SCARB2: variants seen among roughly 807,000 people sequenced by gnomAD.
The protein encoded by SCARB2 is lysosome membrane protein 2.
SCARB2 carries 29 observed loss-of-function variants against 58.6 expected under a neutral mutation model. The ratio of observed to expected loss-of-function variants is 0.49; its 90% CI spans 0.37 to 0.67. The LOEUF is 0.67. Ranked by LOEUF, SCARB2 falls within the 30% of genes least tolerant of loss-of-function variation. The pLI is 0.00. For synonymous variants in SCARB2, 195 were observed against 210.1 expected (o/e 0.93, Z 0.62); for missense variants, 488 against 578.5 (o/e 0.84, Z 1.60).
At chr4:76,221,221 T>C (rs1225396820) in intron 1 of SCARB2, among the ~76,000 whole-genome samples, 1 of 152,242 alleles carries the variant, frequency 6.6e-6, no homozygotes, top group Non-Finnish European at 1.5e-5. Flanking sequence ...AGCCTTCACC[T>C]GCTTCACTAA....
At position 76,213,621 on chromosome 4, in the gene SCARB2, G is replaced by A. The variant is rs1270851746; in HGVS notation, c.-78C>T. The A allele has an allele frequency of 3.3e-6, 4 of 1,206,090 alleles. No homozygotes were observed. The highest frequency in any genetic ancestry group is 1.8e-5 in the Admixed American group (1 of 54,704). 74.7% of individuals were successfully genotyped at this position (1,206,090 alleles called of 1,614,324 possible). A position where few individuals can be genotyped will look rare whatever the true frequency, so the allele number is the denominator to read the frequency against. On this transcript the variant is annotated 5_prime_UTR_variant, in exon 1 of 12. Transcript: ENST00000264896. ...GCAAGGAGGGAGGAGCCGCCGCAGAGGCGTCGAAGACCCGGGACCCTTCGG... is the reference window on the plus strand; with the variant it reads ...GCAAGGAGGGAGGAGCCGCCGCAGAAGCGTCGAAGACCCGGGACCCTTCGG...
At position 76,221,669 on chromosome 4, in the gene SCARB2, C is replaced by T. The variant is rs114203870; in HGVS notation, c.-358+12634G>A. On this transcript the variant is annotated intron_variant, in intron 1 of 11. Coordinates refer to the SCARB2 transcript ENST00000638295. ...TACTGCAAAAACAGAGAAAAAATAC[C>T]GCATGTTATCACTTATTAGCTAAAG... 5.9e-3 allele frequency among the ~76,000 whole-genome samples: 895 copies of T among 152,258 alleles called. 8 individuals are homozygous for T. Among genetic ancestry groups the T allele is most frequent in the African/African-American group, 0.02 (823 of 41,536 alleles).
chr4:76,186,203 T>TTTGCTTGA (rs1732482265), intron 2 of SCARB2, among the ~76,000 whole-genome samples: 1 of 151,930 alleles, frequency 6.6e-6, no homozygotes, highest in African/African-American at 2.4e-5. Context: ...AAAAGACACT[T>TTTGCTTGA]TTGCTTGATT....
chr4:76,209,798 G>C (rs1733003417), intron 1 of SCARB2, among the ~76,000 whole-genome samples: 1 of 152,180 alleles, frequency 6.6e-6, no homozygotes, highest in Non-Finnish European at 1.5e-5. Flanking sequence ...CCTGTTCATT[G>C]CATCTCTGAG....
chr4:76,209,584 G>A (rs894997029), intron 1 of SCARB2, among the ~76,000 whole-genome samples: 2 of 152,134 alleles, frequency 1.3e-5, no homozygotes, highest in African/African-American at 4.8e-5. Context: ...GGCCAGGCTG[G>A]TCTCGAACTC....
chr4:76,184,893 A>T (rs67917805), intron 2 of SCARB2: 17,798 of 192,274 alleles, frequency 0.093, 1,163 homozygotes, highest in East Asian at 0.19. Context: ...CGTGACCTGG[A>T]TCTTTAAAGC....
chr4:76,194,744 G>T (rs1194005249), intron 2 of SCARB2: 7 of 152,180 alleles, frequency 4.6e-5, no homozygotes, highest in Admixed American at 4.6e-4. Flanking sequence ...TTATTGGAAA[G>T]ATTATTGTAT....
At chr4:76,204,523 GAA>G (rs935025064) in intron 1 of SCARB2, among the ~76,000 whole-genome samples, 20 of 152,124 alleles carry the variant, frequency 1.3e-4, no homozygotes, top group Non-Finnish European at 2.4e-4. Flanking sequence ...ACTTATTTTT[GAA>G]AGTTTCTAGG....
chr4:76,213,008 G>A (rs1733090805), intron 1 of SCARB2: 2 of 282,462 alleles, frequency 7.1e-6, no homozygotes, highest in Admixed American at 9.2e-5. Flanking sequence ...TCATCCCCAG[G>A]CGCACACCAC....
chr4:76,233,668 G>A (rs185485499), intron 1 of SCARB2, among the ~76,000 whole-genome samples: 1 of 151,988 alleles, frequency 6.6e-6, no homozygotes, highest in African/African-American at 2.4e-5. Flanking sequence ...CCCAGTCCCC[G>A]GGTGGGGTTC....
chr4:76,227,317 G>T (rs1733415436), intron 1 of SCARB2, among the ~76,000 whole-genome samples: 1 of 152,136 alleles, frequency 6.6e-6, no homozygotes, highest in African/African-American at 2.4e-5. Flanking sequence ...TTCAGGAGTA[G>T]ATTATTTAAT....
intron 6 of SCARB2, 88 bp downstream of exon 6, chr4:76,175,703 G>C: frequency 6.9e-7 from 1 of 1,447,920 alleles, no homozygotes; most frequent in Non-Finnish European, 9.7e-7. Flanking sequence ...TGCATAATAA[G>C]TGTGTCTGCA....
chr4:76,211,227 C>T (rs1015728910), intron 1 of SCARB2, among the ~76,000 whole-genome samples: 4 of 152,284 alleles, frequency 2.6e-5, no homozygotes, highest in Non-Finnish European at 4.4e-5. Context: ...TACAGGGCTT[C>T]GCAAGGGTCT....
chr4:76,194,510 C>G (rs556001194), intron 2 of SCARB2: 4 of 152,140 alleles, frequency 2.6e-5, no homozygotes, highest in Non-Finnish European at 4.4e-5. Flanking sequence ...ACTCCAGAGT[C>G]AGAGCATGAG....
At chr4:76,188,926 C>T (rs2109955324) in intron 2 of SCARB2, among the ~76,000 whole-genome samples, 1 of 152,334 alleles carries the variant, frequency 6.6e-6, no homozygotes, top group Non-Finnish European at 1.5e-5. Context: ...TTTTCAGGGC[C>T]TGATTCCCCT....
At chr4:76,211,252 C>T (rs183665751) in intron 1 of SCARB2, among the ~76,000 whole-genome samples, 2 of 152,290 alleles carry the variant, frequency 1.3e-5, no homozygotes, top group East Asian at 3.9e-4. Context: ...AAGTGAGAGA[C>T]CCAAAGCTTA....
At position 76,213,380 on chromosome 4, in the gene SCARB2, G is replaced by A. The variant is rs745991939; in HGVS notation, c.117+47C>T. 4.6e-6 allele frequency: 6 copies of A among 1,291,384 alleles called. No homozygotes were observed. The East Asian group carries it at 1.4e-4, about 30-fold the overall frequency. The allele number at this position is 1,291,384 out of a possible 1,614,324, so 80.0% of individuals were successfully genotyped here. A position where few individuals can be genotyped will look rare whatever the true frequency, so the allele number is the denominator to read the frequency against. On this transcript the variant is annotated intron_variant, in intron 1 of 11. Transcript: ENST00000264896. ...AAGATGTAGCAGCAGGGATGGGAGGGTGAGCTGGACGACTCCACAACACAC... is the reference window on the plus strand; with the variant it reads ...AAGATGTAGCAGCAGGGATGGGAGGATGAGCTGGACGACTCCACAACACAC...
chr4:76,194,410 G>T (rs115006367), intron 2 of SCARB2: 138 of 152,224 alleles, frequency 9.1e-4, no homozygotes, highest in African/African-American at 3.1e-3. Context: ...TGTGGAGGAG[G>T]TCCTATTTTT....
intron 2 of SCARB2, chr4:76,184,656 C>A (rs992335787): frequency 1.6e-5 from 4 of 252,174 alleles, no homozygotes; most frequent in Admixed American, 5.2e-5. Flanking sequence ...GTGACATGTA[C>A]CTGTAGTGTC....
Sources: gnomAD v4.1 joint callset for allele counts (sites outside exome capture counted in the v4.1 genomes callset) on GRCh38, gnomAD v4.1.1 for gene constraint, MANE v1.5 for transcripts, NCBI Gene and HGNC (gene_info 2026-07-23, HGNC 2026-07-21) for gene names.